SORCS3: variants seen among roughly 807,000 people sequenced by gnomAD.
The protein encoded by SORCS3 is VPS10 domain-containing receptor SorCS3.
Under a neutral mutation model 146.3 loss-of-function variants are expected in SORCS3, and 57 were observed. That is an observed-to-expected ratio of 0.39 (90% CI 0.31 to 0.49). SORCS3 has a LOEUF of 0.49. SORCS3 is among the 20% of genes least tolerant of loss of function. The pLI, the probability that SORCS3 is intolerant of heterozygous loss-of-function variation, is 0.92. For synonymous variants in SORCS3, 653 were observed against 618.5 expected (o/e 1.06, Z -0.83); for missense variants, 1,341 against 1,575.5 (o/e 0.85, Z 2.52).
intron 4 of SORCS3, among the ~76,000 whole-genome samples, chr10:104,978,537 T>C (rs1589576523): frequency 1.3e-5 from 2 of 152,330 alleles, no homozygotes; most frequent in East Asian, 3.9e-4. Context: ...AGCCATTTAA[T>C]TGCAAAATTA....
At chr10:105,116,889 T>C (rs2133761932) in intron 7 of SORCS3, among the ~76,000 whole-genome samples, 1 of 152,048 alleles carries the variant, frequency 6.6e-6, no homozygotes, top group South Asian at 2.1e-4. Flanking sequence ...TACTTAAAAG[T>C]GGAGGGTGGG....
intron 2 of SORCS3, among the ~76,000 whole-genome samples, chr10:104,895,346 G>A (rs374739789): frequency 4.6e-4 from 70 of 152,256 alleles, no homozygotes; most frequent in African/African-American, 1.4e-3. Context: ...GTGCAAACTC[G>A]TGCCCCATCC....
intron 3 of SORCS3, among the ~76,000 whole-genome samples, chr10:104,917,268 G>A (rs1301607129): frequency 2.6e-5 from 4 of 152,012 alleles, no homozygotes; most frequent in African/African-American, 9.7e-5. Context: ...ACATCTTTCA[G>A]TATCATTATT....
intron 2 of SORCS3, among the ~76,000 whole-genome samples, chr10:104,914,384 A>T (rs1371741862): frequency 6.6e-6 from 1 of 152,070 alleles, no homozygotes; most frequent in Non-Finnish European, 1.5e-5. Flanking sequence ...AGGAGCGGTG[A>T]TTGGGAGGAG....
chr10:104,726,719 A>G (rs977508493), intron 1 of SORCS3, among the ~76,000 whole-genome samples: 6 of 151,994 alleles, frequency 3.9e-5, no homozygotes, highest in African/African-American at 1.2e-4. Flanking sequence ...GGCATCTGCA[A>G]TCTGGTTCCT....
At chr10:104,984,506 C>T (rs2054950811) in intron 4 of SORCS3, among the ~76,000 whole-genome samples, 1 of 152,030 alleles carries the variant, frequency 6.6e-6, no homozygotes, top group African/African-American at 2.4e-5. Flanking sequence ...TGGTTCAGTT[C>T]AGAAGCTCTA....
At chr10:105,121,711 A>G (rs10884095) in intron 7 of SORCS3, among the ~76,000 whole-genome samples, 73,632 of 152,018 alleles carry the variant, frequency 0.48, 18,384 homozygotes, top group Non-Finnish European at 0.54. Flanking sequence ...CATTAACCAA[A>G]GAAAGGCTTA....
At chr10:104,848,869 G>A (rs1261836410) in intron 2 of SORCS3, among the ~76,000 whole-genome samples, 1 of 152,178 alleles carries the variant, frequency 6.6e-6, no homozygotes. Context: ...TAAGATGAAT[G>A]TACATGGGAA....
At chr10:104,780,505 G>T (rs971253561) in intron 1 of SORCS3, among the ~76,000 whole-genome samples, 2 of 152,172 alleles carry the variant, frequency 1.3e-5, no homozygotes, top group African/African-American at 4.8e-5. Flanking sequence ...ATGACCCCTT[G>T]GTAGCTGTTC....
At chr10:105,229,875 G>T (rs566881678) in intron 20 of SORCS3, among the ~76,000 whole-genome samples, 1 of 152,290 alleles carries the variant, frequency 6.6e-6, no homozygotes, top group East Asian at 1.9e-4. Context: ...GCACCAGGTG[G>T]GTGAGTGGGT....
intron 4 of SORCS3, among the ~76,000 whole-genome samples, chr10:105,042,504 A>G (rs2133704092): frequency 6.6e-6 from 1 of 152,246 alleles, no homozygotes; most frequent in African/African-American, 2.4e-5. Flanking sequence ...GCTTATCCCT[A>G]AGGTGTTATA....
At chr10:104,642,022 G>GGGGGGGCGCCCCCC in intron 1 of SORCS3, 68 bp downstream of exon 1, 1 of 173,336 alleles carries the variant, frequency 5.8e-6, no homozygotes, top group Non-Finnish European at 1.1e-5. Flanking sequence ...GGGTGGGTGG[G>GGGGGGGCGCCCCCC]AGCGAGGGAC....
At chr10:105,214,861 G>T (rs760084054) in intron 18 of SORCS3, among the ~76,000 whole-genome samples, 13 of 152,180 alleles carry the variant, frequency 8.5e-5, no homozygotes, top group Non-Finnish European at 1.9e-4. Context: ...TGCAGATCTG[G>T]ATATATTCTT....
At chr10:105,012,411 C>T (rs933631049) in intron 4 of SORCS3, among the ~76,000 whole-genome samples, 14 of 152,034 alleles carry the variant, frequency 9.2e-5, no homozygotes, top group Non-Finnish European at 2.1e-4. Context: ...CAAGGTCTTG[C>T]CATTTTTTTT....
At chr10:105,204,105 T>G (rs2056588724) in intron 16 of SORCS3, among the ~76,000 whole-genome samples, 1 of 152,212 alleles carries the variant, frequency 6.6e-6, no homozygotes, top group East Asian at 1.9e-4. Context: ...TTACACGGCC[T>G]TCTGTGGTTC....
intron 4 of SORCS3, among the ~76,000 whole-genome samples, chr10:104,984,446 C>T (rs942127706): frequency 6.6e-6 from 1 of 151,982 alleles, no homozygotes; most frequent in African/African-American, 2.4e-5. Context: ...TGGAAAATAT[C>T]TTGGCAATAT....
intron 1 of SORCS3, among the ~76,000 whole-genome samples, chr10:104,823,877 A>G (rs2017903848): frequency 6.6e-6 from 1 of 152,216 alleles, no homozygotes; most frequent in Non-Finnish European, 1.5e-5. Flanking sequence ...GGTACAATGT[A>G]ATCATGAGGG....
intron 1 of SORCS3, among the ~76,000 whole-genome samples, chr10:104,738,381 C>T (rs1009046454): frequency 3.3e-5 from 5 of 152,094 alleles, no homozygotes; most frequent in Non-Finnish European, 5.9e-5. Context: ...TCGATCCAGC[C>T]GAGGCACTTT....
chr10:105,008,046 C>T (rs552774957), intron 4 of SORCS3, among the ~76,000 whole-genome samples: 2 of 152,162 alleles, frequency 1.3e-5, no homozygotes, highest in Non-Finnish European at 2.9e-5. Context: ...GCTGGCCTGG[C>T]ATGATTCTGA....
Sources: allele counts gnomAD v4.1 joint callset (sites outside exome capture counted in the v4.1 genomes callset), GRCh38; gene constraint gnomAD v4.1.1; transcripts MANE v1.5; gene names NCBI Gene and HGNC (gene_info 2026-07-23, HGNC 2026-07-21).